The following TMTC1 variants were observed in gnomAD, a reference collection of about 807,000 sequenced individuals.
The protein encoded by TMTC1 is protein O-mannosyl-transferase TMTC1.
A neutral mutation model predicts 104.8 loss-of-function variants in TMTC1; 73 were observed. That is an observed-to-expected ratio of 0.70 (90% CI 0.58 to 0.85). The LOEUF (loss-of-function observed/expected upper bound fraction) is 0.85. TMTC1 is among the 40% of genes least tolerant of loss of function. The pLI, the probability that TMTC1 is intolerant of heterozygous loss-of-function variation, is 0.00. For synonymous variants in TMTC1, 434 were observed against 428.7 expected (o/e 1.01, Z -0.15); for missense variants, 1,035 against 1,096.1 (o/e 0.94, Z 0.79).
Position 29,783,406 on chromosome 12 carries a change from G to C in TMTC1, c.302+44C>G. ...TCTCCCGGTCCGAGGGACGGGCGGA[G>C]GGTAGAGGAGGCAGCGGCGGCTAGC... On this transcript the variant is annotated intron_variant, in intron 1 of 17. Coordinates refer to ENST00000539277, the MANE Select transcript of TMTC1 (RefSeq NM_001193451.2). The surrounding 1 kb of genome is among the most constrained non-coding windows in gnomAD (Gnocchi z 4.7). The C allele has an allele frequency of 1.6e-6, 2 of 1,274,072 alleles. No individual in the cohort carries two copies. 78.9% of individuals were successfully genotyped at this position (1,274,072 alleles called of 1,614,324 possible). A position where few individuals can be genotyped will look rare whatever the true frequency, so the allele number is the denominator to read the frequency against.
At chr12:29,596,843 C>T (rs967981736) in intron 7 of TMTC1, among the ~76,000 whole-genome samples, 32 of 152,316 alleles carry the variant, frequency 2.1e-4, no homozygotes, top group African/African-American at 7.5e-4. Context: ...TGTGACTTGG[C>T]CTCAACAAAA....
intron 6 of TMTC1, among the ~76,000 whole-genome samples, chr12:29,607,207 T>C (rs1261706248): frequency 3.3e-5 from 5 of 152,226 alleles, no homozygotes; most frequent in African/African-American, 1.2e-4. Flanking sequence ...TAATTACGTG[T>C]GTATCTGGGT....
At chr12:29,669,920 G>T (rs938010169) in intron 5 of TMTC1, among the ~76,000 whole-genome samples, 1 of 152,182 alleles carries the variant, frequency 6.6e-6, no homozygotes, top group Non-Finnish European at 1.5e-5. Flanking sequence ...GACCTAGGGA[G>T]CAGTGGGTCT....
chr12:29,765,674 T>C (rs955347665), intron 2 of TMTC1, among the ~76,000 whole-genome samples: 2 of 152,164 alleles, frequency 1.3e-5, no homozygotes, highest in Non-Finnish European at 2.9e-5. Flanking sequence ...AATTAATAAA[T>C]ATAAAAAATC....
chr12:29,531,178 A>G (rs73263811), intron 11 of TMTC1, among the ~76,000 whole-genome samples: 2,260 of 152,258 alleles, frequency 0.015, 40 homozygotes, highest in African/African-American at 0.046. Flanking sequence ...TGGCATCTAG[A>G]TGCTCAATAA....
chr12:29,539,719 C>A (rs1056198017), intron 10 of TMTC1, among the ~76,000 whole-genome samples: 2 of 152,238 alleles, frequency 1.3e-5, no homozygotes, highest in African/African-American at 4.8e-5. Flanking sequence ...GAGGCTTGGC[C>A]TCTTAGTAGG....
intron 7 of TMTC1, among the ~76,000 whole-genome samples, chr12:29,589,379 T>A (rs2136349665): frequency 6.6e-6 from 1 of 152,336 alleles, no homozygotes; most frequent in East Asian, 1.9e-4. Flanking sequence ...GCTCAGATAC[T>A]TTTTGGTTTC....
At chr12:29,569,705 C>CCCACATCCGTTGAAAATTCA (rs1945614369) in intron 9 of TMTC1, among the ~76,000 whole-genome samples, 4 of 152,164 alleles carry the variant, frequency 2.6e-5, no homozygotes, top group Admixed American at 1.3e-4. Context: ...AACAAAAATA[C>CCCACATCCGTTGAAAATTCA]CCACATCCGT....
chr12:29,780,848 A>G (rs1592048793), intron 1 of TMTC1, among the ~76,000 whole-genome samples: 1 of 152,348 alleles, frequency 6.6e-6, no homozygotes, highest in Admixed American at 6.5e-5. Flanking sequence ...TTACATTAAA[A>G]AAGTTTTTAA....
At chr12:29,695,793 T>TTTTATATATATATATATA (rs371127995) in intron 5 of TMTC1, among the ~76,000 whole-genome samples, 27 of 83,794 alleles carry the variant, frequency 3.2e-4, no homozygotes, top group Non-Finnish European at 6.7e-4. Context: ...TACTTCCTTT[T>TTTTATATATATATATATA]TATATATATA....
chr12:29,637,198 G>T (rs865916492), intron 5 of TMTC1, among the ~76,000 whole-genome samples: 4 of 152,064 alleles, frequency 2.6e-5, no homozygotes, highest in Non-Finnish European at 4.4e-5. Context: ...CTGGAGATAG[G>T]GGGTGGAGGG....
At chr12:29,685,623 A>G (rs74236397) in intron 5 of TMTC1, among the ~76,000 whole-genome samples, 20,995 of 152,042 alleles carry the variant, frequency 0.14, 1,729 homozygotes, top group East Asian at 0.34. Flanking sequence ...TTCTATTAAA[A>G]AAACATAACT....
At chr12:29,533,220 A>C (rs1944554546) in intron 11 of TMTC1, 1 of 152,186 alleles carries the variant, frequency 6.6e-6, no homozygotes, top group African/African-American at 2.4e-5. Context: ...CAACTCATTA[A>C]TCTATTTTTC....
In TMTC1 at chr12:29,527,705, C is replaced by T. The variant is rs1360029540; in HGVS notation, c.1786-6985G>A. 3.3e-5 allele frequency among the ~76,000 whole-genome samples: 5 copies of T among 152,212 alleles called. No individual in the cohort carries two copies. The East Asian group carries it at 7.7e-4, about 23-fold the overall frequency. Reference sequence around the variant, plus strand: ...AAGTCAATTACACCACTATTAACCACAGTTTTTAAGAGCAATTACTGCTTT... The same window carrying T: ...AAGTCAATTACACCACTATTAACCATAGTTTTTAAGAGCAATTACTGCTTT... On this transcript the variant is annotated intron_variant, in intron 11 of 17. Coordinates refer to ENST00000539277, the MANE Select transcript of TMTC1 (RefSeq NM_001193451.2).
intron 5 of TMTC1, among the ~76,000 whole-genome samples, chr12:29,725,731 T>A (rs1243765521): frequency 6.6e-6 from 1 of 152,232 alleles, no homozygotes; most frequent in Non-Finnish European, 1.5e-5. Flanking sequence ...GAAAAACGTT[T>A]ATTTGATCTG....
At chr12:29,511,952 A>G in intron 17 of TMTC1, 91 bp downstream of exon 17, 1 of 1,232,330 alleles carries the variant, frequency 8.1e-7, no homozygotes, top group South Asian at 1.2e-5. Context: ...AAGGAAATTA[A>G]CAATAGTTCC....
At chr12:29,538,166 T>C (rs1944696175) in intron 10 of TMTC1, among the ~76,000 whole-genome samples, 1 of 152,164 alleles carries the variant, frequency 6.6e-6, no homozygotes, top group African/African-American at 2.4e-5. Flanking sequence ...TAATTTGTAT[T>C]ACAGCTCGCT....
intron 5 of TMTC1, among the ~76,000 whole-genome samples, chr12:29,750,590 C>A (rs1268084526): frequency 6.6e-6 from 1 of 152,042 alleles, no homozygotes; most frequent in African/African-American, 2.4e-5. Flanking sequence ...CAAACATAGG[C>A]AAAGGCAAGA....
intron 5 of TMTC1, among the ~76,000 whole-genome samples, chr12:29,715,010 C>G (rs1051760655): frequency 2.6e-5 from 4 of 152,192 alleles, no homozygotes; most frequent in African/African-American, 9.7e-5. Flanking sequence ...TTTACCCATA[C>G]TGTTTGACAA....
Sources: gnomAD v4.1 joint callset for allele counts (sites outside exome capture counted in the v4.1 genomes callset) on GRCh38, gnomAD v4.1.1 for gene constraint, Gnocchi (gnomAD v3.1) non-coding constraint, MANE v1.5 for transcripts, NCBI Gene and HGNC (gene_info 2026-07-23, HGNC 2026-07-21) for gene names.